The following SLC8A1 variants were observed in gnomAD, a reference collection of about 807,000 sequenced individuals.
SLC8A1 encodes solute carrier family 8 member A1, also known as sodium/calcium exchanger 1.
In SLC8A1, 18 loss-of-function variants were observed where a neutral mutation model predicts 68.3. The observed-to-expected ratio is 0.26, with a 90% CI of 0.18 to 0.39. The LOEUF (loss-of-function observed/expected upper bound fraction) is 0.39, where lower values mean the gene tolerates loss of function less well. Among genes scored for constraint, SLC8A1 ranks in the 10% least tolerant of loss-of-function variants. The pLI, the probability that SLC8A1 is intolerant of heterozygous loss-of-function variation, is 1.00. For synonymous variants in SLC8A1, 475 were observed against 415.5 expected, an observed-to-expected ratio of 1.14 and a Z score of -1.74; for missense variants, 985 against 1,156.7, an observed-to-expected ratio of 0.85 and a Z score of 2.15.
At chr2:40,415,106 G>A (rs577347570) in intron 2 of SLC8A1, among the ~76,000 whole-genome samples, 2 of 152,252 alleles carry the variant, frequency 1.3e-5, no homozygotes, top group African/African-American at 4.8e-5. Flanking sequence ...AGCCTATAAG[G>A]CACAGTATAG....
chr2:40,284,196 C>T (rs886968265), intron 2 of SLC8A1, among the ~76,000 whole-genome samples: 9 of 151,404 alleles, frequency 5.9e-5, no homozygotes, highest in Middle Eastern at 3.2e-3. Flanking sequence ...GCTATCTATA[C>T]CAATATATCT....
chr2:40,360,850 CCA>C (rs1272688803), intron 2 of SLC8A1, among the ~76,000 whole-genome samples: 1 of 152,130 alleles, frequency 6.6e-6, no homozygotes, highest in Non-Finnish European at 1.5e-5. Context: ...TCTGCTGGGG[CCA>C]CACAGTGTTG....
chr2:40,181,422 T>C (rs955036560), intron 2 of SLC8A1, among the ~76,000 whole-genome samples: 21 of 152,216 alleles, frequency 1.4e-4, no homozygotes, highest in Admixed American at 4.6e-4. Context: ...ATAACTATGA[T>C]ACTGGAAAAA....
At chr2:40,128,827 A>G (rs2038717066) in intron 7 of SLC8A1, among the ~76,000 whole-genome samples, 1 of 152,080 alleles carries the variant, frequency 6.6e-6, no homozygotes, top group South Asian at 2.1e-4. Flanking sequence ...AATAAAACAA[A>G]ATAATTTCAA....
In SLC8A1 at chr2:40,276,345, G is replaced by A. The variant is rs556497337; in HGVS notation, c.1809-98490C>T. 7.2e-5 allele frequency among the ~76,000 whole-genome samples: 11 copies of A among 152,228 alleles called. No individual in the cohort carries two copies. In the East Asian group the frequency reaches 9.7e-4, roughly 13 times the overall value. On this transcript the variant is annotated intron_variant, in intron 2 of 7. Coordinates refer to ENST00000406785, the Ensembl canonical transcript of SLC8A1. ...AGGTATTGTTGAAGTATGTGGTGAC[G>A]GACTGAGAAAACAAGCAGTGAGATT...
At chr2:40,310,501 A>G (rs2073473041) in intron 2 of SLC8A1, among the ~76,000 whole-genome samples, 2 of 152,184 alleles carry the variant, frequency 1.3e-5, no homozygotes, top group Admixed American at 6.5e-5. Flanking sequence ...GTGGCCAGGG[A>G]TGTACACCAA....
intron 1 of SLC8A1, among the ~76,000 whole-genome samples, chr2:40,447,165 T>C (rs922572637): frequency 7.9e-5 from 12 of 152,230 alleles, no homozygotes; most frequent in African/African-American, 4.8e-5. Flanking sequence ...TTTGTCTGAA[T>C]TGGTATCACA....
At chr2:40,368,337 A>C (rs1406293207) in intron 2 of SLC8A1, among the ~76,000 whole-genome samples, 1 of 152,066 alleles carries the variant, frequency 6.6e-6, no homozygotes, top group African/African-American at 2.4e-5. Flanking sequence ...ATTTTTAAAC[A>C]AAGTTATTTC....
intron 2 of SLC8A1, among the ~76,000 whole-genome samples, chr2:40,183,205 C>G (rs1573705749): frequency 1.3e-5 from 2 of 152,292 alleles, no homozygotes; most frequent in East Asian, 3.9e-4. Context: ...TGACTGGCTT[C>G]AGGAACCAAA....
exon 8 of SLC8A1, chr2:40,111,244 T>C (rs1428064897): frequency 4.6e-5 from 7 of 152,146 alleles, no homozygotes; most frequent in Admixed American, 2.6e-4. Flanking sequence ...AACTGATAAT[T>C]ATCAGGTCAC....
exon 2 of SLC8A1, chr2:40,428,987 T>C (rs1206683781): frequency 1.2e-6 from 2 of 1,613,736 alleles, no homozygotes; most frequent in South Asian, 1.1e-5. Flanking sequence ...TCACCACCTC[T>C]GCGGATAATG....
intron 2 of SLC8A1, among the ~76,000 whole-genome samples, chr2:40,278,081 C>A (rs756014766): frequency 2.0e-5 from 3 of 151,874 alleles, no homozygotes; most frequent in African/African-American, 7.3e-5. Context: ...GTTTTTATAA[C>A]CTTGTTTATC....
chr2:40,334,463 A>T (rs1478540835), intron 2 of SLC8A1, among the ~76,000 whole-genome samples: 2 of 152,222 alleles, frequency 1.3e-5, no homozygotes, highest in Non-Finnish European at 2.9e-5. Flanking sequence ...AAATCACACT[A>T]GAAAATGAAA....
chr2:40,472,667 C>T (rs1704058425), intron 1 of SLC8A1, among the ~76,000 whole-genome samples: 1 of 152,110 alleles, frequency 6.6e-6, no homozygotes. Context: ...CATGCCCAGC[C>T]CAAATGTGTT....
At chr2:40,491,728 T>C (rs1705328569) in intron 1 of SLC8A1, among the ~76,000 whole-genome samples, 1 of 152,158 alleles carries the variant, frequency 6.6e-6, no homozygotes, top group Admixed American at 6.6e-5. Context: ...TCTGCATCTA[T>C]TGAGAGAACC....
intron 2 of SLC8A1, among the ~76,000 whole-genome samples, chr2:40,383,896 T>C (rs868338585): frequency 3.3e-5 from 5 of 152,118 alleles, no homozygotes; most frequent in Non-Finnish European, 7.4e-5. Context: ...TATCCAAGAG[T>C]GAACCTTCAG....
chr2:40,429,113 C>T (rs760466514), exon 2 of SLC8A1: 2 of 1,613,086 alleles, frequency 1.2e-6, no homozygotes, highest in Non-Finnish European at 1.7e-6. Context: ...ATGCTGACAG[C>T]CTTCCTTGCT....
exon 8 of SLC8A1, chr2:40,105,657 G>C (rs1157033812): frequency 1.3e-5 from 2 of 152,114 alleles, no homozygotes; most frequent in African/African-American, 4.8e-5. Flanking sequence ...GAAATAATAG[G>C]TTCACTCTCA....
At chr2:40,382,813 A>G (rs1207342554) in intron 2 of SLC8A1, among the ~76,000 whole-genome samples, 1 of 152,122 alleles carries the variant, frequency 6.6e-6, no homozygotes, top group East Asian at 1.9e-4. Flanking sequence ...GTTAAAATAG[A>G]ATGTCTATTT....
Sources: gnomAD v4.1 joint callset for allele counts (sites outside exome capture counted in the v4.1 genomes callset) on GRCh38, gnomAD v4.1.1 for gene constraint, MANE v1.5 for transcripts, NCBI Gene and HGNC (gene_info 2026-07-23, HGNC 2026-07-21) for gene names.